ZNF236: variants seen among roughly 807,000 people sequenced by gnomAD.
The protein encoded by ZNF236 is regulated by glucose.
ZNF236 carries 50 observed loss-of-function variants against 191.2 expected under a neutral mutation model. That is an observed-to-expected ratio of 0.26 (90% CI 0.21 to 0.33). ZNF236 has a LOEUF of 0.33. Ranked by LOEUF, ZNF236 falls within the 10% of genes least tolerant of loss-of-function variation. The probability of loss-of-function intolerance (pLI) is 1.00; values close to 1 mark genes in which losing one functional copy is unlikely to be tolerated. For missense variants in ZNF236, 1,754 were observed against 2,374.5 expected, an observed-to-expected ratio of 0.74 and a Z score of 5.43; for synonymous variants, 907 against 928.8, an observed-to-expected ratio of 0.98 and a Z score of 0.43.
chr18:76,906,120 G>A (rs1428879305), intron 13 of ZNF236, among the ~76,000 whole-genome samples: 2 of 152,198 alleles, frequency 1.3e-5, no homozygotes, highest in East Asian at 3.8e-4. Context: ...TTTTAACCCA[G>A]ATATGTCTGC....
chr18:76,902,914 A>T (rs889474411), intron 11 of ZNF236, among the ~76,000 whole-genome samples: 3 of 151,982 alleles, frequency 2.0e-5, no homozygotes, highest in African/African-American at 7.3e-5. Flanking sequence ...TTTGAGCAGG[A>T]TGAGTTGTTA....
intron 13 of ZNF236, 134 bp from the exon 14 acceptor site, chr18:76,908,186 G>A: frequency 8.3e-7 from 1 of 1,210,064 alleles, no homozygotes; most frequent in Admixed American, 2.2e-5. Context: ...TACCTGAATT[G>A]CCATCATGAC....
intron 27 of ZNF236, among the ~76,000 whole-genome samples, chr18:76,952,639 G>T (rs542757067): frequency 1.3e-5 from 2 of 152,234 alleles, no homozygotes; most frequent in African/African-American, 4.8e-5. Context: ...TCTGTGTGAT[G>T]GCCTGTTTTT....
At chr18:76,924,036 T>C (rs1175270517) in intron 21 of ZNF236, among the ~76,000 whole-genome samples, 1 of 152,216 alleles carries the variant, frequency 6.6e-6, no homozygotes, top group Non-Finnish European at 1.5e-5. Context: ...AAATGGACTT[T>C]CACACATTTA....
chr18:76,939,901 G>A (rs1968091155), intron 26 of ZNF236, among the ~76,000 whole-genome samples: 2 of 147,366 alleles, frequency 1.4e-5, no homozygotes, highest in Admixed American at 6.7e-5. Context: ...GGCTGCCCTA[G>A]CACTGCATTT....
chr18:76,941,200 G>T (rs1968125914), intron 26 of ZNF236, among the ~76,000 whole-genome samples: 1 of 152,216 alleles, frequency 6.6e-6, no homozygotes, highest in Non-Finnish European at 1.5e-5. Context: ...GCAGGTTCTT[G>T]AGGAAGGGCT....
At chr18:76,958,680 GA>G (rs1968585714) in intron 28 of ZNF236, among the ~76,000 whole-genome samples, 1 of 152,224 alleles carries the variant, frequency 6.6e-6, no homozygotes, top group African/African-American at 2.4e-5. Context: ...TGTTGATGGT[GA>G]TTGGTGTCAT....
intron 3 of ZNF236, among the ~76,000 whole-genome samples, chr18:76,862,339 A>G (rs1451941617): frequency 6.6e-6 from 1 of 152,162 alleles, no homozygotes; most frequent in African/African-American, 2.4e-5. Flanking sequence ...CTCAATTCCA[A>G]TGAAATGCCA....
chr18:76,855,832 A>G (rs188648563), intron 3 of ZNF236, among the ~76,000 whole-genome samples: 7 of 152,178 alleles, frequency 4.6e-5, no homozygotes, highest in Admixed American at 2.0e-4. Context: ...CACAGCCTCC[A>G]TTGCTACGAG....
At chr18:76,851,735 A>T (rs1328053496) in intron 2 of ZNF236, 40 bp from the exon 3 acceptor site, 1 of 1,583,452 alleles carries the variant, frequency 6.3e-7, no homozygotes. Flanking sequence ...CTGTGAAAAG[A>T]TTGTATTTCA....
intron 27 of ZNF236, among the ~76,000 whole-genome samples, chr18:76,950,343 T>C (rs907049733): frequency 6.6e-6 from 1 of 152,228 alleles, no homozygotes; most frequent in African/African-American, 2.4e-5. Context: ...ATTTCAACAA[T>C]GTTCACCGCA....
At chr18:76,895,465 T>G (rs1977376204) in intron 10 of ZNF236, 180 bp downstream of exon 10, 2 of 853,714 alleles carry the variant, frequency 2.3e-6, no homozygotes, top group Admixed American at 2.6e-5. Context: ...TGGCCCGCAA[T>G]GCAGCACCCA....
chr18:76,923,039 C>A, intron 20 of ZNF236, 32 bp from the exon 21 acceptor site: 2 of 1,472,950 alleles, frequency 1.4e-6, no homozygotes, highest in South Asian at 1.1e-5. Flanking sequence ...AGTCGTTTGT[C>A]AATATGTCTA....
chr18:76,862,525 C>A (rs1463156022), intron 3 of ZNF236, among the ~76,000 whole-genome samples: 4 of 152,024 alleles, frequency 2.6e-5, no homozygotes, highest in African/African-American at 7.2e-5. Context: ...CCCAGAATTC[C>A]CCTCCCAGCG....
At chr18:76,850,313 C>G (rs1034113425) in intron 2 of ZNF236, among the ~76,000 whole-genome samples, 5 of 152,188 alleles carry the variant, frequency 3.3e-5, no homozygotes, top group Non-Finnish European at 5.9e-5. Context: ...CTTTAGAGAA[C>G]AGGATGTGAC....
In ZNF236 at chr18:76,868,715, T is replaced by A. The variant is rs1413513020; in HGVS notation, c.394T>A (p.Phe132Ile). The A allele has an allele frequency of 8.1e-6, 13 of 1,613,276 alleles. No homozygotes were observed. The highest frequency in any genetic ancestry group is 1.1e-5 in the Non-Finnish European group (13 of 1,179,634). The change falls in exon 4 of 31, where the codon TTT becomes ATT. Residue 132 changes from phenylalanine to isoleucine, a missense_variant. Physicochemically the swap from Phe to Ile is conservative, Grantham distance 21. This residue lies in a region of ZNF236 where 336 missense variants were observed against 495.1 expected (regional missense o/e 0.68). Coordinates refer to ENST00000320610, the MANE Select transcript of ZNF236 (RefSeq NM_001306089.2). ...NLICSECGDE[F>I]TLQSQLAVHM... is the part of the protein sequence containing the mutation. ...CATCTGTTCTGAGTGTGGGGATGAG[T>A]TTACTCTGCAGAGTCAGCTGGCCGT...
Position 76,927,881 on chromosome 18 carries a change from G to T in ZNF236, c.4415-46G>T. 2 of 1,379,510 alleles carry T rather than the reference G, an allele frequency of 1.4e-6. No homozygotes were observed. The highest frequency in any genetic ancestry group is 1.5e-5 in the South Asian group (1 of 66,932). 85.5% of individuals were successfully genotyped at this position (1,379,510 alleles called of 1,614,324 possible). A position where few individuals can be genotyped will look rare whatever the true frequency, so the allele number is the denominator to read the frequency against. On this transcript the variant is annotated intron_variant, in intron 24 of 30. Coordinates refer to ENST00000320610, the MANE Select transcript of ZNF236 (RefSeq NM_001306089.2). The surrounding 1 kb of genome is among the most constrained non-coding windows in gnomAD (Gnocchi z 5.4). ...TTTTAATATAAAAACAGGGGAAATT[G>T]GTTATTTTGAATCTCAACTTTGTTT...
intron 1 of ZNF236, among the ~76,000 whole-genome samples, chr18:76,842,354 G>A (rs1975533027): frequency 6.6e-6 from 1 of 151,638 alleles, no homozygotes; most frequent in Non-Finnish European, 1.5e-5. Context: ...GGGAACCAAT[G>A]CTACTTTTTT....
Position 76,927,958 on chromosome 18 carries a change from G to T in ZNF236, c.4446G>T (p.Ser1482=), listed in dbSNP as rs996039309. The T allele has an allele frequency of 2.5e-6, 4 of 1,608,750 alleles. No homozygotes were observed. The highest frequency in any genetic ancestry group is 1.7e-5 in the Admixed American group (1 of 59,104). The change falls in exon 25 of 31, where the codon TCG becomes TCT. Residue 1482 remains serine (S), a synonymous_variant. Coordinates refer to ENST00000320610, the MANE Select transcript of ZNF236 (RefSeq NM_001306089.2). The surrounding 1 kb of genome is among the most constrained non-coding windows in gnomAD (Gnocchi z 5.4). ...AAGACCTCACTCAAGTGATGACTTC[G>T]CAAGGTCTAGTGTCCCCCTCCGGCG... ...GTQDLTQVMT[S]QGLVSPSGGP...
Sources: allele counts gnomAD v4.1 joint callset (sites outside exome capture counted in the v4.1 genomes callset), GRCh38; gene constraint gnomAD v4.1.1; regional missense constraint gnomAD v4.1.1; non-coding constraint Gnocchi (gnomAD v3.1); transcripts MANE v1.5; gene names NCBI Gene and HGNC (gene_info 2026-07-23, HGNC 2026-07-21).